SLC9A8: variants seen among roughly 807,000 people sequenced by gnomAD.
The protein encoded by SLC9A8 is sodium/hydrogen exchanger 8.
SLC9A8 carries 48 observed loss-of-function variants against 66.6 expected under a neutral mutation model. The observed-to-expected ratio is 0.72, with a 90% confidence interval of 0.57 to 0.92. The LOEUF (loss-of-function observed/expected upper bound fraction) is 0.92, where lower values mean the gene tolerates loss of function less well. Ranked by LOEUF, SLC9A8 falls within the 40% of genes least tolerant of loss-of-function variation. The probability of loss-of-function intolerance (pLI) is 0.00; values close to 1 mark genes in which losing one functional copy is unlikely to be tolerated. For missense variants in SLC9A8, 599 were observed against 747.3 expected (o/e 0.80, Z 2.31); for synonymous variants, 274 against 282.6 (o/e 0.97, Z 0.31).
chr20:49,855,474 A>C lies in SLC9A8; in HGVS notation c.606A>C (p.Pro202=), dbSNP rs769209773. 1.2e-6 allele frequency: 2 copies of C among 1,614,158 alleles called. No homozygotes were observed. The highest frequency in any genetic ancestry group is 2.2e-5 in the East Asian group (1 of 44,890). ...AFGSLISAVD[P]VATIAIFNAL... ...GCTCCCTAATATCTGCTGTCGATCC[A>C]GTGGCCACTATTGCCATTTTCAATG... The change falls in exon 8 of 16, where the codon CCA becomes CCC. Residue 202 remains proline, a synonymous_variant. Coordinates refer to ENST00000361573, the MANE Select transcript of SLC9A8 (RefSeq NM_015266.3).
intron 10 of SLC9A8, among the ~76,000 whole-genome samples, chr20:49,866,656 T>C (rs977827814): frequency 2.0e-5 from 3 of 150,838 alleles, no homozygotes; most frequent in South Asian, 2.1e-4. Flanking sequence ...TATGAGTTTA[T>C]AGCTTTCATC....
intron 4 of SLC9A8, among the ~76,000 whole-genome samples, chr20:49,840,061 A>G (rs570672386): frequency 2.9e-4 from 44 of 152,298 alleles, no homozygotes; most frequent in African/African-American, 9.9e-4. Context: ...TTGTAATATC[A>G]TCACCTCGTT....
At chr20:49,861,340 T>G (rs1207352243) in intron 8 of SLC9A8, among the ~76,000 whole-genome samples, 1 of 152,174 alleles carries the variant, frequency 6.6e-6, no homozygotes, top group Non-Finnish European at 1.5e-5. Context: ...GCCCAGGAGT[T>G]CGAGACCAGC....
intron 4 of SLC9A8, among the ~76,000 whole-genome samples, chr20:49,843,649 G>A (rs539214790): frequency 8.9e-4 from 136 of 152,224 alleles, no homozygotes; most frequent in Non-Finnish European, 1.1e-3. Flanking sequence ...CAACTAGAGA[G>A]ATATATTAAT....
chr20:49,834,448 T>C lies in SLC9A8; in HGVS notation c.290-5093T>C, dbSNP rs866106824. On this transcript the variant is annotated intron_variant, in intron 3 of 15. Coordinates refer to ENST00000361573, the MANE Select transcript of SLC9A8 (RefSeq NM_015266.3). Reference sequence around the variant, plus strand: ...TATATATACTGTATATATATATATATACTGTATATATATATACTGTGTATA... The same window carrying C: ...TATATATACTGTATATATATATATACACTGTATATATATATACTGTGTATA... Among the ~76,000 whole-genome samples the C allele has an allele frequency of 1.3e-3, 81 of 62,352 alleles. 4 individuals are homozygous for C. Among genetic ancestry groups the C allele is most frequent in the South Asian group, 9.6e-3 (24 of 2,498 alleles). The allele number at this position is 62,352 out of a possible 152,430, so 40.9% of individuals were successfully genotyped here.
chr20:49,891,487 G>C lies in SLC9A8; in HGVS notation c.*3551G>C, dbSNP rs374280968. Reference sequence around the variant, plus strand: ...AACAGTTGTCCAACAGTTAGACATTGAGGGGCTTCACTGTTACCAGGCATG... The same window carrying C: ...AACAGTTGTCCAACAGTTAGACATTCAGGGGCTTCACTGTTACCAGGCATG... On this transcript the variant is annotated 3_prime_UTR_variant, in exon 16 of 16. Transcript: ENST00000361573. 5.3e-5 allele frequency: 8 copies of C among 152,362 alleles called. 1 individual carries two copies. The highest frequency in any genetic ancestry group is 1.9e-4 in the African/African-American group (8 of 41,566). 9.4% of individuals were successfully genotyped at this position (152,362 alleles called of 1,614,324 possible). A position where few individuals can be genotyped will look rare whatever the true frequency, so the allele number is the denominator to read the frequency against.
At chr20:49,885,685 G>A (rs1174687925) in intron 14 of SLC9A8, among the ~76,000 whole-genome samples, 1 of 152,256 alleles carries the variant, frequency 6.6e-6, no homozygotes, top group African/African-American at 2.4e-5. Flanking sequence ...TTCTGTGGCA[G>A]TCAGTGTGCT....
intron 5 of SLC9A8, among the ~76,000 whole-genome samples, chr20:49,846,123 G>A (rs1029213366): frequency 2.0e-5 from 3 of 152,186 alleles, no homozygotes; most frequent in African/African-American, 7.2e-5. Context: ...ACAGGCATGA[G>A]CCACCACACT....
At position 49,855,955 on chromosome 20, in the gene SLC9A8, T is replaced by C. The variant is rs73271131; in HGVS notation, c.713+374T>C. Reference sequence around the variant, plus strand: ...ACAGGCACGTGCCATCACGCCCAGCTAATTTTTTAAGAAGTTTTTGTAGAG... The same window carrying C: ...ACAGGCACGTGCCATCACGCCCAGCCAATTTTTTAAGAAGTTTTTGTAGAG... On this transcript the variant is annotated intron_variant, in intron 8 of 15. Transcript: ENST00000361573. Among the ~76,000 whole-genome samples the C allele has an allele frequency of 7.0e-3, 1,061 of 152,248 alleles. 20 individuals carry two copies. The highest frequency in any genetic ancestry group is 0.024 in the African/African-American group (982 of 41,550).
At chr20:49,880,807 G>A in intron 12 of SLC9A8, 117 bp from the exon 13 acceptor site, 1 of 708,556 alleles carries the variant, frequency 1.4e-6, no homozygotes, top group South Asian at 1.6e-5. Context: ...TTGTGGCTGA[G>A]GGGAATACTG....
At chr20:49,861,881 C>T (rs1301383824) in intron 8 of SLC9A8, among the ~76,000 whole-genome samples, 2 of 152,146 alleles carry the variant, frequency 1.3e-5, no homozygotes, top group African/African-American at 4.8e-5. Context: ...CAGCCTGAAA[C>T]CTCGGACATT....
intron 5 of SLC9A8, among the ~76,000 whole-genome samples, chr20:49,846,759 C>A (rs1490265019): frequency 5.9e-5 from 9 of 151,902 alleles, no homozygotes; most frequent in African/African-American, 2.2e-4. Flanking sequence ...ACTAAACATA[C>A]AAAAATTAGC....
At chr20:49,846,192 G>A (rs1206167693) in intron 5 of SLC9A8, among the ~76,000 whole-genome samples, 1 of 152,144 alleles carries the variant, frequency 6.6e-6, no homozygotes, top group Non-Finnish European at 1.5e-5. Context: ...AAGCCTGCTT[G>A]TGTGCGTGCA....
intron 10 of SLC9A8, among the ~76,000 whole-genome samples, chr20:49,868,111 T>C (rs988410438): frequency 6.6e-6 from 1 of 152,268 alleles, no homozygotes; most frequent in Non-Finnish European, 1.5e-5. Context: ...TTACATCTGT[T>C]TTTCTAAATT....
At chr20:49,877,924 T>G (rs1452012219) in intron 11 of SLC9A8, 57 bp from the exon 12 acceptor site, 2 of 1,200,566 alleles carry the variant, frequency 1.7e-6, no homozygotes, top group African/African-American at 3.1e-5. Flanking sequence ...AATAGTTTAG[T>G]ACCATATTGG....
chr20:49,886,003 C>T lies in SLC9A8; in HGVS notation c.1492-749C>T, dbSNP rs1297220613. Among the ~76,000 whole-genome samples the T allele has an allele frequency of 6.6e-6, 1 of 152,214 alleles. No individual in the cohort carries two copies. The highest frequency in any genetic ancestry group is 2.4e-5 in the African/African-American group (1 of 41,452). ...GTATTTTGTGGTTTCACAGGCCCCC[C>T]AGGTAGATTCTAATACAGACCAGTG... On this transcript the variant is annotated intron_variant, in intron 14 of 15. Transcript: ENST00000361573. The surrounding 1 kb of genome is among the most constrained non-coding windows in gnomAD (Gnocchi z 4.8).
chr20:49,864,713 C>G lies in SLC9A8; in HGVS notation c.853-26C>G, dbSNP rs2088891438. The G allele has an allele frequency of 1.9e-6, 3 of 1,557,788 alleles. No individual in the cohort carries two copies. In the African/African-American group the frequency reaches 4.1e-5, roughly 21 times the overall value. ...ATCTCCCATCAACTCTCCCTCGATT[C>G]TCCTTCCTTGACAGTTGTCATTTAC... On this transcript the variant is annotated intron_variant, in intron 9 of 15. Coordinates refer to ENST00000361573, the MANE Select transcript of SLC9A8 (RefSeq NM_015266.3).
At chr20:49,871,769 G>A (rs1433808723) in intron 10 of SLC9A8, among the ~76,000 whole-genome samples, 1 of 152,228 alleles carries the variant, frequency 6.6e-6, no homozygotes, top group Non-Finnish European at 1.5e-5. Flanking sequence ...ATGGCCCAGT[G>A]CCAACAGTGG....
At chr20:49,813,065 C>G in intron 1 of SLC9A8, 117 bp downstream of exon 1, 6 of 817,948 alleles carry the variant, frequency 7.3e-6, no homozygotes, top group Non-Finnish European at 1.0e-5. Context: ...GCTGGTTGGC[C>G]AGGACTGACC....
Sources: gnomAD v4.1 joint callset for allele counts (sites outside exome capture counted in the v4.1 genomes callset) on GRCh38, gnomAD v4.1.1 for gene constraint, Gnocchi (gnomAD v3.1) non-coding constraint, MANE v1.5 for transcripts, NCBI Gene and HGNC (gene_info 2026-07-23, HGNC 2026-07-21) for gene names.